The following KHDRBS2 variants were observed in gnomAD, a reference collection of about 807,000 sequenced individuals.
KHDRBS2 encodes the protein KH RNA binding domain containing, signal transduction associated 2.
In KHDRBS2, 26 loss-of-function variants were observed where a neutral mutation model predicts 44.3. The observed-to-expected ratio is 0.59, with a 90% CI of 0.43 to 0.81. KHDRBS2 has a LOEUF of 0.81. KHDRBS2 is among the 40% of genes least tolerant of loss of function. The probability of loss-of-function intolerance (pLI) is 0.00; values close to 1 mark genes in which losing one functional copy is unlikely to be tolerated. For missense variants in KHDRBS2, 476 were observed against 433.1 expected (o/e 1.10, Z -0.88); for synonymous variants, 194 against 151.1 (o/e 1.28, Z -2.08).
intron 4 of KHDRBS2, among the ~76,000 whole-genome samples, chr6:61,935,784 A>C (rs567613528): frequency 6.6e-6 from 1 of 152,236 alleles, no homozygotes; most frequent in East Asian, 1.9e-4. Context: ...CCATTTATTT[A>C]AGGTCAAAGA....
chr6:62,189,322 C>G (rs2150130334), intron 1 of KHDRBS2, among the ~76,000 whole-genome samples: 1 of 151,844 alleles, frequency 6.6e-6, no homozygotes, highest in Admixed American at 6.6e-5. Context: ...AAATGACCAC[C>G]ACTTCTTTTT....
intron 4 of KHDRBS2, among the ~76,000 whole-genome samples, chr6:61,934,406 G>T (rs959432425): frequency 2.6e-5 from 4 of 152,152 alleles, no homozygotes; most frequent in Admixed American, 2.0e-4. Flanking sequence ...TCCCCTAGGA[G>T]ACTAGCTAAT....
intron 1 of KHDRBS2, among the ~76,000 whole-genome samples, chr6:62,238,852 T>C (rs138826935): frequency 3.5e-4 from 54 of 152,292 alleles, no homozygotes; most frequent in African/African-American, 1.3e-3. Context: ...GGAGCAATAA[T>C]GTGCTTTCTC....
chr6:61,878,153 G>A (rs1340643145), intron 6 of KHDRBS2, among the ~76,000 whole-genome samples: 1 of 151,808 alleles, frequency 6.6e-6, no homozygotes, highest in South Asian at 2.1e-4. Flanking sequence ...AACTTCCAAT[G>A]AGGCTTCCTC....
intron 2 of KHDRBS2, among the ~76,000 whole-genome samples, chr6:62,078,159 C>A (rs1050374289): frequency 2.6e-5 from 4 of 151,944 alleles, no homozygotes; most frequent in Admixed American, 1.3e-4. Flanking sequence ...TCATGTAACA[C>A]CCTGACATAA....
rs1803928058 is a variant in KHDRBS2 at position 61,901,109 on chromosome 6, T to A, written c.611+135A>T. 2.3e-5 allele frequency: 18 copies of A among 798,426 alleles called. No homozygotes were observed. In the South Asian group the frequency reaches 3.5e-4, roughly 16 times the overall value. The allele number at this position is 798,426 out of a possible 1,614,324, so 49.5% of individuals were successfully genotyped here. ...CTCTTCTGTGCCTGATAAGCTTTCATCGTTATTGTTTTTGCTGTGGTGGTA... is the reference window on the plus strand; with the variant it reads ...CTCTTCTGTGCCTGATAAGCTTTCAACGTTATTGTTTTTGCTGTGGTGGTA... On this transcript the variant is annotated intron_variant, in intron 5 of 8. Transcript: ENST00000281156.
chr6:62,271,954 A>G (rs1398266162), intron 1 of KHDRBS2, among the ~76,000 whole-genome samples: 3 of 152,200 alleles, frequency 2.0e-5, no homozygotes, highest in Non-Finnish European at 4.4e-5. Context: ...ACAGTAGTGT[A>G]CAGTAATGTC....
At chr6:62,082,468 T>G (rs1045762841) in intron 2 of KHDRBS2, among the ~76,000 whole-genome samples, 1 of 152,142 alleles carries the variant, frequency 6.6e-6, no homozygotes, top group African/African-American at 2.4e-5. Flanking sequence ...ATCTTAAGGC[T>G]GTCCAGTGGA....
chr6:62,136,638 C>A (rs1458658955), intron 2 of KHDRBS2, among the ~76,000 whole-genome samples: 1 of 152,044 alleles, frequency 6.6e-6, no homozygotes, highest in Non-Finnish European at 1.5e-5. Context: ...ATGAAAATAA[C>A]ACAAGAAAAT....
At chr6:61,670,851 T>A in the KHDRBS2 span, among the ~76,000 whole-genome samples, 1 of 151,622 alleles carries the variant, frequency 6.6e-6, no homozygotes, top group Non-Finnish European at 1.5e-5. Flanking sequence ...CTTTTATAAT[T>A]TCTGGTTTAC....
chr6:61,582,927 T>G, the KHDRBS2 span, among the ~76,000 whole-genome samples: 1 of 151,826 alleles, frequency 6.6e-6, no homozygotes, highest in Non-Finnish European at 1.5e-5. Context: ...CAAAATTAAT[T>G]ACTTTCTTCA....
chr6:61,923,464 A>G (rs1234632158), intron 4 of KHDRBS2, among the ~76,000 whole-genome samples: 3 of 151,990 alleles, frequency 2.0e-5, no homozygotes, highest in Admixed American at 2.0e-4. Flanking sequence ...TACTTTGTCT[A>G]TTAAAGATAT....
intron 1 of KHDRBS2, among the ~76,000 whole-genome samples, chr6:62,236,445 A>G (rs1195052417): frequency 1.3e-5 from 2 of 151,948 alleles, no homozygotes; most frequent in African/African-American, 4.8e-5. Flanking sequence ...ATGTATACAT[A>G]TAATATTAAA....
the KHDRBS2 span, among the ~76,000 whole-genome samples, chr6:61,600,690 C>A: frequency 6.6e-6 from 1 of 152,080 alleles, no homozygotes; most frequent in African/African-American, 2.4e-5. Flanking sequence ...CAGCCCCCTG[C>A]CCTCACCCTC....
intron 6 of KHDRBS2, among the ~76,000 whole-genome samples, chr6:61,857,282 T>C (rs1161898306): frequency 6.6e-6 from 1 of 152,078 alleles, no homozygotes; most frequent in Non-Finnish European, 1.5e-5. Context: ...AAATATAACT[T>C]TCACTACAAA....
intron 6 of KHDRBS2, among the ~76,000 whole-genome samples, chr6:61,829,306 C>G (rs369291446): frequency 6.6e-6 from 1 of 152,064 alleles, no homozygotes; most frequent in African/African-American, 2.4e-5. Context: ...GGACTACAGG[C>G]GCCCACCGCC....
chr6:62,117,911 G>A (rs1373277508), intron 2 of KHDRBS2, among the ~76,000 whole-genome samples: 3 of 151,930 alleles, frequency 2.0e-5, no homozygotes, highest in Non-Finnish European at 2.9e-5. Flanking sequence ...GAGTAGCTTG[G>A]ATTACAGGTG....
rs78806895 is a variant in KHDRBS2 at position 61,702,304 on chromosome 6, A to G, written c.894-5051T>C. 3.2e-3 allele frequency among the ~76,000 whole-genome samples: 491 copies of G among 152,032 alleles called. 6 individuals carry two copies. The highest frequency in any genetic ancestry group is 0.011 in the African/African-American group (474 of 41,514). On this transcript the variant is annotated intron_variant, in intron 7 of 8. Transcript: ENST00000281156. ...TTCATGTAACTGGCTGGAAATGGCA[A>G]TGGCTAGAGTAACTTTGGACTCATG...
intron 6 of KHDRBS2, among the ~76,000 whole-genome samples, chr6:61,742,228 T>C (rs1776234227): frequency 6.6e-6 from 1 of 151,954 alleles, no homozygotes; most frequent in Non-Finnish European, 1.5e-5. Context: ...CTTTATGAAG[T>C]GTGGTTAATT....
Sources: gnomAD v4.1 joint callset for allele counts (sites outside exome capture counted in the v4.1 genomes callset) on GRCh38, gnomAD v4.1.1 for gene constraint, MANE v1.5 for transcripts, NCBI Gene and HGNC (gene_info 2026-07-23, HGNC 2026-07-21) for gene names.